MYO5B: variants seen among roughly 807,000 people sequenced by gnomAD.
The protein encoded by MYO5B is myosin VB.
Under a neutral mutation model 229.3 loss-of-function variants are expected in MYO5B, and 143 were observed. The observed-to-expected ratio is 0.62, with a 90% CI of 0.54 to 0.72. MYO5B has a LOEUF of 0.72. Ranked by LOEUF, MYO5B falls within the 30% of genes least tolerant of loss-of-function variation. The pLI is 0.00. For missense variants in MYO5B, 2,321 were observed against 2,331.0 expected, an observed-to-expected ratio of 1.00 and a Z score of 0.09; for synonymous variants, 918 against 885.2, an observed-to-expected ratio of 1.04 and a Z score of -0.66.
At chr18:49,954,472 A>G (rs2025469182) in intron 12 of MYO5B, 37 bp from the exon 13 acceptor site, 1 of 1,613,222 alleles carries the variant, frequency 6.2e-7, no homozygotes, top group African/African-American at 1.3e-5. Context: ...CGCTTTGTGA[A>G]GAGGAAGAAG....
intron 1 of MYO5B, among the ~76,000 whole-genome samples, chr18:50,126,320 C>T (rs755095900): frequency 3.9e-5 from 6 of 152,200 alleles, no homozygotes; most frequent in Non-Finnish European, 7.3e-5. Context: ...AAACACCACA[C>T]TGGACACTAG....
At chr18:49,965,489 T>C (rs2144266063) in intron 10 of MYO5B, among the ~76,000 whole-genome samples, 1 of 96,462 alleles carries the variant, frequency 1.0e-5, no homozygotes, top group South Asian at 3.9e-4. Flanking sequence ...ACACACCTCT[T>C]CTCATTCTAT....
At chr18:50,056,034 C>T (rs2030541035) in intron 1 of MYO5B, among the ~76,000 whole-genome samples, 1 of 152,170 alleles carries the variant, frequency 6.6e-6, no homozygotes, top group Non-Finnish European at 1.5e-5. Flanking sequence ...CTCAGCCTCC[C>T]AAAGTGTTGG....
intron 1 of MYO5B, among the ~76,000 whole-genome samples, chr18:50,180,875 C>T (rs111878376): frequency 6.6e-6 from 1 of 152,134 alleles, no homozygotes; most frequent in African/African-American, 2.4e-5. Context: ...TGAATATATC[C>T]CACTGTGTGG....
At chr18:50,153,184 C>T (rs1377949921) in intron 1 of MYO5B, among the ~76,000 whole-genome samples, 2 of 152,110 alleles carry the variant, frequency 1.3e-5, no homozygotes, top group Non-Finnish European at 2.9e-5. Flanking sequence ...GTGGCACGTT[C>T]GTACTATATA....
intron 5 of MYO5B, among the ~76,000 whole-genome samples, chr18:49,996,124 C>A (rs1040266736): frequency 1.3e-5 from 2 of 152,220 alleles, no homozygotes; most frequent in Non-Finnish European, 2.9e-5. Flanking sequence ...TGAGATCATT[C>A]CTTGTGATAG....
chr18:50,016,127 A>C (rs1157114082), intron 4 of MYO5B, among the ~76,000 whole-genome samples: 1 of 152,238 alleles, frequency 6.6e-6, no homozygotes, highest in Non-Finnish European at 1.5e-5. Flanking sequence ...ATCCCAGGAA[A>C]GCATGATCAG....
intron 4 of MYO5B, among the ~76,000 whole-genome samples, chr18:50,033,521 G>A (rs552211563): frequency 6.6e-6 from 1 of 152,244 alleles, no homozygotes; most frequent in African/African-American, 2.4e-5. Context: ...ACATTTCCTA[G>A]TGGCCAGTAT....
chr18:50,119,021 A>G (rs2032015097), intron 1 of MYO5B, among the ~76,000 whole-genome samples: 1 of 152,194 alleles, frequency 6.6e-6, no homozygotes, highest in African/African-American at 2.4e-5. Flanking sequence ...TATAAGATGT[A>G]AATGATCAAG....
rs1203109877 is a variant in MYO5B at position 49,912,122 on chromosome 18, T to C, written c.2142A>G (p.Arg714=). Residue 714 remains arginine, a synonymous_variant, in exon 18 of 40, where the codon AGA becomes AGG. Coordinates refer to ENST00000285039, the MANE Select transcript of MYO5B (RefSeq NM_001080467.3). ...FNRYRVLVKK[R]ELANTDKKAI... is the part of the protein sequence containing the mutation. ...CCTTTTTGTCTGTGTTGGCGAGCTC[T>C]CTCTTCTTGACCAGCACCCGATACC... The C allele has an allele frequency of 1.2e-6, 2 of 1,614,052 alleles. No individual in the cohort carries two copies. Among genetic ancestry groups the C allele is most frequent in the Admixed American group, 1.7e-5 (1 of 60,020 alleles).
At chr18:49,979,712 A>T (rs2025793830) in intron 9 of MYO5B, among the ~76,000 whole-genome samples, 1 of 152,218 alleles carries the variant, frequency 6.6e-6, no homozygotes, top group African/African-American at 2.4e-5. Context: ...ACCTGGCCAT[A>T]AATGGGCATA....
At position 49,837,283 on chromosome 18, in the gene MYO5B, G is replaced by A. The variant is rs527602531; in HGVS notation, c.5138+234C>T. Among the ~76,000 whole-genome samples the A allele has an allele frequency of 2.0e-5, 3 of 152,294 alleles. No homozygotes were observed. The South Asian group carries it at 6.2e-4, about 32-fold the overall frequency. On this transcript the variant is annotated intron_variant, in intron 37 of 39. Coordinates refer to ENST00000285039, the MANE Select transcript of MYO5B (RefSeq NM_001080467.3). ...GTATTCAGTCTTTAACTTAGAGTATGTCAACATCTTTAAGCTTTGAACTAA... is the reference window on the plus strand; with the variant it reads ...GTATTCAGTCTTTAACTTAGAGTATATCAACATCTTTAAGCTTTGAACTAA...
intron 20 of MYO5B, among the ~76,000 whole-genome samples, chr18:49,904,380 T>C (rs550031751): frequency 1.2e-4 from 19 of 152,286 alleles, no homozygotes; most frequent in African/African-American, 4.6e-4. Context: ...CAGAAGCAGA[T>C]GTTCAATTGT....
At chr18:49,871,095 A>G (rs990166145) in intron 27 of MYO5B, among the ~76,000 whole-genome samples, 1 of 152,250 alleles carries the variant, frequency 6.6e-6, no homozygotes, top group African/African-American at 2.4e-5. Flanking sequence ...ACACAATGGG[A>G]CACAGTTTTA....
intron 30 of MYO5B, among the ~76,000 whole-genome samples, chr18:49,854,354 A>G (rs1384484250): frequency 1.3e-5 from 2 of 150,206 alleles, no homozygotes; most frequent in South Asian, 2.1e-4. Flanking sequence ...GAGAAGTCTT[A>G]TAACATTCTG....
At chr18:50,124,947 A>AC (rs11398873) in intron 1 of MYO5B, among the ~76,000 whole-genome samples, 124,609 of 151,890 alleles carry the variant, frequency 0.82, 51,429 homozygotes, top group Admixed American at 0.87. Flanking sequence ...AGACTACAGT[A>AC]TGGAAACCAG....
chr18:50,039,341 G>T (rs1450392171), intron 3 of MYO5B, among the ~76,000 whole-genome samples: 3 of 151,754 alleles, frequency 2.0e-5, no homozygotes, highest in Admixed American at 6.6e-5. Context: ...GTTTTGTTTT[G>T]TTTTTTTTGA....
intron 1 of MYO5B, among the ~76,000 whole-genome samples, chr18:50,146,851 T>C (rs2032511484): frequency 6.6e-6 from 1 of 152,142 alleles, no homozygotes; most frequent in Admixed American, 6.5e-5. Flanking sequence ...TGGAAGGATA[T>C]AGGACAAAAT....
At chr18:49,955,015 C>T (rs983197600) in intron 12 of MYO5B, among the ~76,000 whole-genome samples, 53 of 152,128 alleles carry the variant, frequency 3.5e-4, no homozygotes, top group Non-Finnish European at 5.7e-4. Context: ...TATTGTGCAC[C>T]CCTGAGTTTT....
Sources: allele counts gnomAD v4.1 joint callset (sites outside exome capture counted in the v4.1 genomes callset), GRCh38; gene constraint gnomAD v4.1.1; transcripts MANE v1.5; gene names NCBI Gene and HGNC (gene_info 2026-07-23, HGNC 2026-07-21).